Variants in MAGI2 observed in about 807,000 individuals in gnomAD.
MAGI2 encodes membrane associated guanylate kinase, WW and PDZ domain containing 2.
A neutral mutation model predicts 133.3 loss-of-function variants in MAGI2; 35 were observed. The observed-to-expected ratio is 0.26, with a 90% CI of 0.20 to 0.35. The LOEUF is 0.35. MAGI2 is among the 10% of genes least tolerant of loss of function. MAGI2 has a pLI of 1.00. For synonymous variants in MAGI2, 729 were observed against 710.6 expected, an observed-to-expected ratio of 1.03 and a Z score of -0.41; for missense variants, 1,636 against 1,863.4, an observed-to-expected ratio of 0.88 and a Z score of 2.25.
intron 7 of MAGI2, among the ~76,000 whole-genome samples, chr7:78,366,685 A>G (rs750475251): frequency 7.2e-5 from 11 of 152,176 alleles, no homozygotes; most frequent in Non-Finnish European, 1.5e-4. Context: ...CAGGTATTTT[A>G]GTTATGTTTA....
chr7:79,372,862 A>G (rs1409263692), intron 1 of MAGI2, among the ~76,000 whole-genome samples: 3 of 152,038 alleles, frequency 2.0e-5, no homozygotes. Flanking sequence ...CTCTAAATAT[A>G]TTTGAAGTCA....
At chr7:78,728,381 A>G (rs529050240) in intron 2 of MAGI2, among the ~76,000 whole-genome samples, 3 of 152,302 alleles carry the variant, frequency 2.0e-5, no homozygotes, top group South Asian at 2.1e-4. Flanking sequence ...ATGAATTAGC[A>G]GTAAACAAAA....
At chr7:79,020,529 G>A (rs1464645674) in intron 1 of MAGI2, among the ~76,000 whole-genome samples, 1 of 152,250 alleles carries the variant, frequency 6.6e-6, no homozygotes, top group African/African-American at 2.4e-5. Flanking sequence ...CACTTTGTGA[G>A]GCGGAGGCGG....
intron 4 of MAGI2, among the ~76,000 whole-genome samples, chr7:78,503,757 A>G (rs1204737433): frequency 6.9e-6 from 1 of 145,870 alleles, no homozygotes; most frequent in East Asian, 2.0e-4. Context: ...GTACTTGGGT[A>G]TTTCTTGCAT....
chr7:78,480,668 G>C (rs1792272524), intron 6 of MAGI2, among the ~76,000 whole-genome samples: 1 of 151,740 alleles, frequency 6.6e-6, no homozygotes, highest in African/African-American at 2.4e-5. Flanking sequence ...AGTCTATGTA[G>C]AAATTACAAG....
At chr7:78,780,126 G>GTGTACTGC (rs945304012) in intron 2 of MAGI2, among the ~76,000 whole-genome samples, 12 of 152,224 alleles carry the variant, frequency 7.9e-5, no homozygotes, top group Non-Finnish European at 1.6e-4. Context: ...TTATGACAAT[G>GTGTACTGC]TGTACTGCTT....
intron 2 of MAGI2, among the ~76,000 whole-genome samples, chr7:78,629,960 T>A (rs1351466284): frequency 6.6e-6 from 1 of 151,926 alleles, no homozygotes; most frequent in African/African-American, 2.4e-5. Context: ...AATTTTATAT[T>A]TTAAATCAAA....
At chr7:78,738,852 CA>C (rs1352162522) in intron 2 of MAGI2, among the ~76,000 whole-genome samples, 1 of 151,790 alleles carries the variant, frequency 6.6e-6, no homozygotes, top group Non-Finnish European at 1.5e-5. Flanking sequence ...GCATGGCAGC[CA>C]AAGTGAGTAA....
At chr7:78,056,197 T>A (rs1409183135) in intron 21 of MAGI2, among the ~76,000 whole-genome samples, 1 of 152,234 alleles carries the variant, frequency 6.6e-6, no homozygotes, top group Non-Finnish European at 1.5e-5. Context: ...CTGGCTTATT[T>A]CACTTCCCAT....
At chr7:78,873,956 C>T (rs1420769413) in intron 2 of MAGI2, among the ~76,000 whole-genome samples, 1 of 152,034 alleles carries the variant, frequency 6.6e-6, no homozygotes, top group Non-Finnish European at 1.5e-5. Context: ...TCACTACCTA[C>T]TAGAAAAACC....
intron 3 of MAGI2, among the ~76,000 whole-genome samples, chr7:78,576,135 T>TAGG (rs1802242055): frequency 2.3e-5 from 1 of 43,052 alleles, no homozygotes; most frequent in South Asian, 1.1e-3. Flanking sequence ...TTCTGTAAAT[T>TAGG]CAGGGCTTTA....
chr7:79,016,001 G>GC (rs1808679570), intron 1 of MAGI2, among the ~76,000 whole-genome samples: 1 of 103,264 alleles, frequency 9.7e-6, no homozygotes, highest in Non-Finnish European at 2.1e-5. Context: ...GGAGAAGCGG[G>GC]GGGGGGGGGT....
chr7:78,400,340 A>G (rs928324301), intron 6 of MAGI2, among the ~76,000 whole-genome samples: 1 of 133,136 alleles, frequency 7.5e-6, no homozygotes, highest in Admixed American at 7.4e-5. Context: ...ATACTCTATT[A>G]TCTACTTACT....
Position 79,102,571 on chromosome 7 carries a change from C to T in MAGI2, c.302-95365G>A, listed in dbSNP as rs77230214. Among the ~76,000 whole-genome samples, 276 of 152,188 alleles carry T rather than the reference C, an allele frequency of 1.8e-3. 6 individuals carry two copies. In the East Asian group the frequency reaches 0.047, roughly 26 times the overall value. On this transcript the variant is annotated intron_variant, in intron 1 of 21. Transcript: ENST00000354212. The stretch of plus-strand genomic sequence containing the variant: ...TAAAATCATGTTAAATTTATTAGTT[C>T]ATTAAGAAAGAGCTTATTTCTATAA...
intron 21 of MAGI2, among the ~76,000 whole-genome samples, chr7:78,047,986 G>A (rs1297555241): frequency 1.3e-5 from 2 of 152,186 alleles, no homozygotes; most frequent in African/African-American, 4.8e-5. Flanking sequence ...TTCTGAGCAC[G>A]TGTTGGCTGA....
At chr7:78,944,131 G>C (rs2151686611) in intron 2 of MAGI2, among the ~76,000 whole-genome samples, 1 of 152,244 alleles carries the variant, frequency 6.6e-6, no homozygotes, top group East Asian at 1.9e-4. Flanking sequence ...ACAGAACTTA[G>C]ACAATATGGT....
chr7:79,108,847 A>T (rs1818666705), intron 1 of MAGI2, among the ~76,000 whole-genome samples: 1 of 152,122 alleles, frequency 6.6e-6, no homozygotes, highest in Non-Finnish European at 1.5e-5. Flanking sequence ...ATAGTGAATG[A>T]GTTACTCACA....
At chr7:79,267,859 G>A (rs117709517) in intron 1 of MAGI2, among the ~76,000 whole-genome samples, 21 of 152,292 alleles carry the variant, frequency 1.4e-4, no homozygotes, top group Non-Finnish European at 2.9e-4. Context: ...AGGCAATGTT[G>A]AGGAGTAGTA....
chr7:78,345,968 G>A lies in MAGI2; in HGVS notation c.1179C>T (p.Pro393=), dbSNP rs761445477. The part of the protein sequence containing the change: ...AKRKLQQHNM[P]HTELGTKPLQ... Reference sequence around the variant, plus strand: ...GGGGCTTTGTTCCAAGTTCTGTGTGGGGCATGTTATGTTGCTGTAGCTTCC... The same window carrying A: ...GGGGCTTTGTTCCAAGTTCTGTGTGAGGCATGTTATGTTGCTGTAGCTTCC... The change falls in exon 8 of 22, where the codon CCC becomes CCT. Residue 393 remains proline (P), a synonymous_variant. Coordinates refer to ENST00000354212, the MANE Select transcript of MAGI2 (RefSeq NM_012301.4). The A allele has an allele frequency of 6.2e-7, 1 of 1,614,144 alleles. No homozygotes were observed. The highest frequency in any genetic ancestry group is 1.1e-5 in the South Asian group (1 of 91,070).
Sources: allele counts gnomAD v4.1 joint callset (sites outside exome capture counted in the v4.1 genomes callset), GRCh38; gene constraint gnomAD v4.1.1; transcripts MANE v1.5; gene names NCBI Gene and HGNC (gene_info 2026-07-23, HGNC 2026-07-21).